Variants in FGD5 observed in about 807,000 individuals in gnomAD.
FGD5 encodes FYVE, RhoGEF and PH domain containing 5, also known as FYVE, RhoGEF and PH domain-containing protein 5.
In FGD5, 28 loss-of-function variants were observed where a neutral mutation model predicts 133.4. The observed-to-expected ratio is 0.21, with a 90% CI of 0.16 to 0.29. FGD5 has a LOEUF of 0.29. Ranked by LOEUF, FGD5 falls within the 10% of genes least tolerant of loss-of-function variation. The pLI is 1.00. For synonymous variants in FGD5, 810 were observed against 776.5 expected (o/e 1.04, Z -0.72); for missense variants, 1,858 against 1,895.2 (o/e 0.98, Z 0.36).
chr3:14,827,483 C>T (rs967329687), intron 1 of FGD5, among the ~76,000 whole-genome samples: 14 of 151,922 alleles, frequency 9.2e-5, no homozygotes, highest in African/African-American at 2.9e-4. Context: ...TGGGTTTCAC[C>T]ATATTAGCCA....
At position 14,918,831 on chromosome 3, in the gene FGD5, G is replaced by A. The variant is rs774063346; in HGVS notation, c.3567G>A (p.Ala1189=). The change falls in exon 13 of 20, where the codon GCG becomes GCA. Residue 1189 remains alanine (A), a splice_region_variant and synonymous_variant. Coordinates refer to ENST00000285046, the MANE Select transcript of FGD5 (RefSeq NM_152536.4). ...CCGAGTCCTGCCTGATGCTGTCTGC[G>A]AGGTACGGGCAGGTGGAGGGAGGAT... is the stretch of plus-strand genomic sequence containing the variant. ...ETSESCLMLS[A]SSCAERDEWY... 27 of 1,613,832 alleles carry A rather than the reference G, an allele frequency of 1.7e-5. No individual in the cohort carries two copies. The highest frequency in any genetic ancestry group is 2.1e-5 in the Non-Finnish European group (25 of 1,179,894).
At position 14,917,276 on chromosome 3, in the gene FGD5, C is replaced by T. The variant is rs370769024; in HGVS notation, c.3433C>T (p.Pro1145Ser). Reference protein sequence around the residue: ...LMNDVLLYTYPQKDGKYRLKN... With the variant: ...LMNDVLLYTYSQKDGKYRLKN... ...GAACGATGTGCTCCTGTACACCTATCCCCAGAAGGATGGGAAGTACCGGCT... is the reference window on the plus strand; with the variant it reads ...GAACGATGTGCTCCTGTACACCTATTCCCAGAAGGATGGGAAGTACCGGCT... Residue 1145 changes from proline (P) to serine (S), a missense_variant, in exon 12 of 20, where the codon CCC (proline) becomes TCC (serine). Physicochemically the swap from Pro to Ser is moderately conservative, Grantham distance 74. Coordinates refer to ENST00000285046, the MANE Select transcript of FGD5 (RefSeq NM_152536.4). The surrounding 1 kb of genome is among the most constrained non-coding windows in gnomAD (Gnocchi z 4.1). The T allele has an allele frequency of 3.7e-6, 6 of 1,613,710 alleles. No individual in the cohort carries two copies. The South Asian group carries it at 5.5e-5, about 15-fold the overall frequency.
At chr3:14,827,181 C>A (rs933447594) in intron 1 of FGD5, among the ~76,000 whole-genome samples, 5 of 151,840 alleles carry the variant, frequency 3.3e-5, no homozygotes, top group Non-Finnish European at 2.9e-5. Context: ...GATAAGTGGC[C>A]AAACCAAGGT....
At chr3:14,830,220 A>G (rs1169096089) in intron 1 of FGD5, among the ~76,000 whole-genome samples, 1 of 152,240 alleles carries the variant, frequency 6.6e-6, no homozygotes, top group African/African-American at 2.4e-5. Flanking sequence ...TGCCATGAAA[A>G]TTATTATAAT....
intron 1 of FGD5, among the ~76,000 whole-genome samples, chr3:14,830,079 G>A (rs2036678031): frequency 6.6e-6 from 1 of 152,122 alleles, no homozygotes; most frequent in Non-Finnish European, 1.5e-5. Flanking sequence ...TGGATTTTTG[G>A]CATATCCTAG....
At chr3:14,812,369 A>G (rs2036308196) in intron 1 of FGD5, among the ~76,000 whole-genome samples, 1 of 152,102 alleles carries the variant, frequency 6.6e-6, no homozygotes, top group South Asian at 2.1e-4. Context: ...GCTTTTTCCT[A>G]CACTCCTAAT....
At chr3:14,926,249 C>G (rs1327007821) in intron 18 of FGD5, 51 bp downstream of exon 18, 1 of 1,605,262 alleles carries the variant, frequency 6.2e-7, no homozygotes, top group Admixed American at 1.7e-5. Flanking sequence ...TGAAATGACC[C>G]CCTGGGGCCT....
intron 1 of FGD5, among the ~76,000 whole-genome samples, chr3:14,863,101 G>T (rs995843650): frequency 2.0e-5 from 3 of 152,236 alleles, no homozygotes; most frequent in African/African-American, 4.8e-5. Context: ...AGTTCAGGAA[G>T]TGGCTGCTCC....
intron 1 of FGD5, among the ~76,000 whole-genome samples, chr3:14,833,961 G>A (rs748712081): frequency 2.0e-5 from 3 of 152,096 alleles, no homozygotes; most frequent in Admixed American, 1.3e-4. Flanking sequence ...GGTCCTCCTT[G>A]GGGTTCCCTC....
Position 14,832,061 on chromosome 3 carries a change from C to T in FGD5, c.2525+10465C>T, listed in dbSNP as rs574373281. 1.7e-4 allele frequency among the ~76,000 whole-genome samples: 26 copies of T among 152,272 alleles called. 1 individual carries two copies. Among genetic ancestry groups the T allele is most frequent in the Non-Finnish European group, 3.4e-4 (23 of 68,028 alleles). On this transcript the variant is annotated intron_variant, in intron 1 of 19. Coordinates refer to ENST00000285046, the MANE Select transcript of FGD5 (RefSeq NM_152536.4). ...GCACAGCAAAAAGAGAGAATGAGCT[C>T]AAGTCTACCTCCACCCTGACCCCGC...
rs891561552 is a variant in FGD5, at chr3:14,933,803, A to G, written c.*636A>G. ...GCTTGCTGGTGTGCAAGCACACATC[A>G]CTTTAGAGGGGCTGCGCCCCACCAG... On this transcript the variant is annotated 3_prime_UTR_variant, in exon 20 of 20. Coordinates refer to ENST00000285046, the MANE Select transcript of FGD5 (RefSeq NM_152536.4). The G allele has an allele frequency of 1.3e-5, 2 of 153,732 alleles. No individual in the cohort carries two copies. The highest frequency in any genetic ancestry group is 2.4e-5 in the African/African-American group (1 of 41,464). The allele number at this position is 153,732 out of a possible 1,614,324, so 9.5% of individuals were successfully genotyped here.
At chr3:14,869,121 C>T (rs1278741476) in intron 2 of FGD5, among the ~76,000 whole-genome samples, 2 of 152,076 alleles carry the variant, frequency 1.3e-5, no homozygotes, top group Non-Finnish European at 2.9e-5. Context: ...GGTCAAACCC[C>T]GTCTCTACTA....
At chr3:14,912,844 G>A (rs2038477294) in intron 11 of FGD5, among the ~76,000 whole-genome samples, 1 of 152,102 alleles carries the variant, frequency 6.6e-6, no homozygotes, top group South Asian at 2.1e-4. Context: ...AGACCAGCCT[G>A]GTGAACATGG....
At chr3:14,839,407 C>T (rs2036874825) in intron 1 of FGD5, among the ~76,000 whole-genome samples, 1 of 152,064 alleles carries the variant, frequency 6.6e-6, no homozygotes, top group Non-Finnish European at 1.5e-5. Context: ...TAGGGGGTGT[C>T]CCAGAAGGTT....
At chr3:14,899,233 G>T (rs1035158696) in intron 7 of FGD5, among the ~76,000 whole-genome samples, 26 of 151,980 alleles carry the variant, frequency 1.7e-4, no homozygotes, top group Admixed American at 7.9e-4. Flanking sequence ...TTTCCTCCGC[G>T]GGTTTCTGTG....
intron 13 of FGD5, 54 bp from the exon 14 acceptor site, chr3:14,921,864 A>C (rs1359113910): frequency 6.6e-7 from 1 of 1,511,258 alleles, no homozygotes; most frequent in Non-Finnish European, 9.0e-7. Context: ...GCCGAGATGG[A>C]GGGTGGGAGG....
chr3:14,816,772 A>G (rs1425042976), upstream of FGD5, among the ~76,000 whole-genome samples: 1 of 152,230 alleles, frequency 6.6e-6, no homozygotes, highest in African/African-American at 2.4e-5. Context: ...TATTTCTAGA[A>G]GATTCTGGGT....
intron 1 of FGD5, among the ~76,000 whole-genome samples, chr3:14,832,154 C>A (rs180793179): frequency 6.6e-6 from 1 of 152,248 alleles, no homozygotes; most frequent in African/African-American, 2.4e-5. Context: ...TCACTGAGCA[C>A]CGTGAGGAGT....
chr3:14,842,847 G>A (rs2036949596), intron 1 of FGD5, among the ~76,000 whole-genome samples: 1 of 152,160 alleles, frequency 6.6e-6, no homozygotes, highest in Non-Finnish European at 1.5e-5. Flanking sequence ...CTGTGTGTTG[G>A]GTGTGAGAAT....
Sources: allele counts gnomAD v4.1 joint callset (sites outside exome capture counted in the v4.1 genomes callset), GRCh38; gene constraint gnomAD v4.1.1; non-coding constraint Gnocchi (gnomAD v3.1); transcripts MANE v1.5; gene names NCBI Gene and HGNC (gene_info 2026-07-23, HGNC 2026-07-21).